FLNB: variants seen among roughly 807,000 people sequenced by gnomAD.
FLNB encodes the protein filamin-B.
A neutral mutation model predicts 250.6 loss-of-function variants in FLNB; 111 were observed. The observed-to-expected ratio is 0.44, with a 90% CI of 0.38 to 0.52. The LOEUF (loss-of-function observed/expected upper bound fraction) is 0.52, where lower values mean the gene tolerates loss of function less well. Among genes scored for constraint, FLNB ranks in the 20% least tolerant of loss-of-function variants. FLNB has a pLI of 0.00. For synonymous variants in FLNB, 1,302 were observed against 1,372.1 expected, an observed-to-expected ratio of 0.95 and a Z score of 1.13; for missense variants, 2,869 against 3,447.8, an observed-to-expected ratio of 0.83 and a Z score of 4.20.
chr3:58,133,464 A>T (rs1329665317), intron 26 of FLNB, among the ~76,000 whole-genome samples: 1 of 147,180 alleles, frequency 6.8e-6, no homozygotes, highest in African/African-American at 2.5e-5. Flanking sequence ...AAAAAAAAAA[A>T]AGCAATAGTA....
Position 58,089,667 on chromosome 3 carries a change from T to C in FLNB, c.788-5169T>C, listed in dbSNP as rs181600819. Among the ~76,000 whole-genome samples, 466 of 152,098 alleles carry C rather than the reference T, an allele frequency of 3.1e-3. 1 individual carries two copies. Among genetic ancestry groups the C allele is most frequent in the African/African-American group, 0.011 (443 of 41,480 alleles). On this transcript the variant is annotated intron_variant, in intron 4 of 45. Transcript: ENST00000295956. Reference sequence around the variant, plus strand: ...AAAATAATAATAAAAATTTAGGAGATAAAAAGAACCAAATGGACATTTTAG... The same window carrying C: ...AAAATAATAATAAAAATTTAGGAGACAAAAAGAACCAAATGGACATTTTAG...
At chr3:58,028,718 A>G (rs531491887) in intron 1 of FLNB, among the ~76,000 whole-genome samples, 1 of 150,136 alleles carries the variant, frequency 6.7e-6, no homozygotes, top group Admixed American at 6.6e-5. Context: ...GGTTCAAGCA[A>G]TTCTCCTGCC....
At chr3:58,132,281 C>T (rs543577139) in intron 25 of FLNB, 1 of 485,840 alleles carries the variant, frequency 2.1e-6, no homozygotes, top group East Asian at 4.0e-5. Flanking sequence ...CCCCTTGCCC[C>T]ATGAGATTGG....
chr3:58,031,927 TTTTG>T (rs377757887), intron 1 of FLNB, among the ~76,000 whole-genome samples: 1 of 151,694 alleles, frequency 6.6e-6, no homozygotes, highest in African/African-American at 2.4e-5. Flanking sequence ...GTGTTTATTA[TTTTG>T]TTTGTTTGTT....
chr3:58,067,336 C>G (rs1370583188), intron 1 of FLNB, among the ~76,000 whole-genome samples: 1 of 152,120 alleles, frequency 6.6e-6, no homozygotes, highest in Non-Finnish European at 1.5e-5. Context: ...TTTATATTAA[C>G]TGAACCCTTG....
In FLNB at chr3:58,105,229, A is replaced by G. The variant is rs1410885083; in HGVS notation, c.1747+13A>G. The G allele has an allele frequency of 1.2e-6, 2 of 1,614,112 alleles. No homozygotes were observed. Among genetic ancestry groups the G allele is most frequent in the Non-Finnish European group, 1.7e-6 (2 of 1,179,986 alleles). The stretch of plus-strand genomic sequence containing the variant: ...GTGGGGTCTCTGGGTAAGTGGACAC[A>G]GCTGACCAGCATCTTCTGGAGGACT... On this transcript the variant is annotated intron_variant, in intron 11 of 45. Coordinates refer to ENST00000295956, the MANE Select transcript of FLNB (RefSeq NM_001457.4).
At chr3:58,025,859 G>A (rs1312649029) in intron 1 of FLNB, among the ~76,000 whole-genome samples, 4 of 152,230 alleles carry the variant, frequency 2.6e-5, no homozygotes, top group Non-Finnish European at 5.9e-5. Context: ...CTGGGAGGCG[G>A]AGGTTGCAGT....
chr3:58,143,681 C>T (rs2097331057), intron 32 of FLNB, 68 bp downstream of exon 32: 1 of 1,591,824 alleles, frequency 6.3e-7, no homozygotes, highest in African/African-American at 1.3e-5. Flanking sequence ...TGCAGACACT[C>T]CTCAGCCGCT....
Position 58,037,151 on chromosome 3 carries a change from G to A in FLNB, c.292+28295G>A, listed in dbSNP as rs1035531936. 2.9e-5 allele frequency among the ~76,000 whole-genome samples: 4 copies of A among 137,452 alleles called. No individual in the cohort carries two copies. The South Asian group carries it at 7.4e-4, about 26-fold the overall frequency. 90.2% of individuals were successfully genotyped at this position (137,452 alleles called of 152,430 possible). A position where few individuals can be genotyped will look rare whatever the true frequency, so the allele number is the denominator to read the frequency against. ...ACCATCTCAGCTCACTGCAACCTCC[G>A]TCTCCAGAGTTCAAGCAATTCTCCT... is the stretch of plus-strand genomic sequence containing the variant. On this transcript the variant is annotated intron_variant, in intron 1 of 45. Transcript: ENST00000295956.
intron 22 of FLNB, 65 bp downstream of exon 22, chr3:58,124,570 G>T: frequency 6.5e-7 from 1 of 1,549,256 alleles, no homozygotes; most frequent in Non-Finnish European, 8.9e-7. Flanking sequence ...GCCTCCTGGT[G>T]GCTGGTACTG....
intron 1 of FLNB, among the ~76,000 whole-genome samples, chr3:58,011,005 C>T (rs370032494): frequency 1.2e-4 from 18 of 152,278 alleles, no homozygotes; most frequent in African/African-American, 4.3e-4. Flanking sequence ...ACCTCCACCT[C>T]CCGGGTTCAA....
chr3:58,125,058 G>A (rs757317413), intron 22 of FLNB, among the ~76,000 whole-genome samples: 28 of 152,148 alleles, frequency 1.8e-4, no homozygotes, highest in Non-Finnish European at 3.4e-4. Flanking sequence ...CTTGGTTGGG[G>A]TGGAGTGGCT....
intron 1 of FLNB, among the ~76,000 whole-genome samples, chr3:58,022,546 A>G (rs2097115611): frequency 6.6e-6 from 1 of 152,252 alleles, no homozygotes; most frequent in South Asian, 2.1e-4. Context: ...TCATAGTAAC[A>G]GTTTCATTAG....
chr3:58,039,147 A>G (rs1232472135), intron 1 of FLNB, among the ~76,000 whole-genome samples: 2 of 150,570 alleles, frequency 1.3e-5, no homozygotes, highest in African/African-American at 4.9e-5. Context: ...CCATTGTGCC[A>G]GGAGTTCAAC....
chr3:58,105,286 C>G, intron 11 of FLNB, 70 bp downstream of exon 11: 2 of 1,602,762 alleles, frequency 1.2e-6, no homozygotes, highest in Non-Finnish European at 8.5e-7. Context: ...CTGTGTCAGG[C>G]TGGATGTTGG....
At chr3:58,061,278 T>C (rs1718468) in intron 1 of FLNB, among the ~76,000 whole-genome samples, 151,936 of 152,344 alleles carry the variant, frequency 1, 75,766 homozygotes, top group East Asian at 1. Context: ...TTTGAACCTG[T>C]CATACACATT....
chr3:58,054,234 C>G (rs900598812), intron 1 of FLNB, among the ~76,000 whole-genome samples: 1 of 152,192 alleles, frequency 6.6e-6, no homozygotes, highest in Non-Finnish European at 1.5e-5. Flanking sequence ...TTTGACTGTT[C>G]TACCCTCCAG....
At chr3:58,049,604 G>T (rs1272102845) in intron 1 of FLNB, among the ~76,000 whole-genome samples, 2 of 152,196 alleles carry the variant, frequency 1.3e-5, no homozygotes, top group Non-Finnish European at 2.9e-5. Flanking sequence ...GGAATTTATT[G>T]TGACAGGAAG....
At chr3:58,116,438 G>A (rs1460211245) in intron 18 of FLNB, among the ~76,000 whole-genome samples, 1 of 152,164 alleles carries the variant, frequency 6.6e-6, no homozygotes, top group African/African-American at 2.4e-5. Context: ...GTGGGGAGCC[G>A]AGGTCCTGCC....
Sources: gnomAD v4.1 joint callset for allele counts (sites outside exome capture counted in the v4.1 genomes callset) on GRCh38, gnomAD v4.1.1 for gene constraint, MANE v1.5 for transcripts, NCBI Gene and HGNC (gene_info 2026-07-23, HGNC 2026-07-21) for gene names.